The following TLN1 variants were observed in gnomAD, a reference collection of about 807,000 sequenced individuals.
TLN1 encodes the protein talin-1.
TLN1 carries 56 observed loss-of-function variants against 292.3 expected under a neutral mutation model. The ratio of observed to expected loss-of-function variants is 0.19; its 90% CI spans 0.15 to 0.24. The LOEUF is 0.24. TLN1 is among the 10% of genes least tolerant of loss of function. TLN1 has a pLI of 1.00. For missense variants in TLN1, 2,433 were observed against 3,248.2 expected, an observed-to-expected ratio of 0.75 and a Z score of 6.10; for synonymous variants, 1,119 against 1,253.7, an observed-to-expected ratio of 0.89 and a Z score of 2.27.
In TLN1 at chr9:35,699,084, A is replaced by T; in HGVS notation, c.6947T>A (p.Ile2316Asn). 6.2e-7 allele frequency: 1 copy of T among 1,613,986 alleles called. No individual in the cohort carries two copies. The highest frequency in any genetic ancestry group is 8.5e-7 in the Non-Finnish European group (1 of 1,179,916). The change falls in exon 52 of 57, where the codon ATT becomes AAT. Residue 2316 changes from isoleucine to asparagine, a missense_variant. Physicochemically the swap from Ile to Asn is moderately radical, Grantham distance 149 (BLOSUM62 -3). Coordinates refer to ENST00000314888, the MANE Select transcript of TLN1 (RefSeq NM_006289.4). This position sits in a 1 kb window ranked among gnomAD's most constrained non-coding sequence, Gnocchi z 4.0. ...ENELLGAAAA[I>N]EAAAKKLEQL... ...CTCTAGCTTTTTGGCTGCAGCCTCA[A>T]TGGCGGCTGCAGCTCCCAGGAGCTC...
intron 10 of TLN1, 147 bp from the exon 11 acceptor site, chr9:35,721,060 CTCTT>C (rs1249777891): frequency 1.7e-6 from 1 of 596,966 alleles, no homozygotes; most frequent in African/African-American, 1.8e-5. Context: ...CTTGAACCTC[CTCTT>C]TATTTTCTCC....
rs1209724023 is a variant in TLN1 at position 35,720,289 on chromosome 9, C to T, written c.1284-70G>A. On this transcript the variant is annotated intron_variant, in intron 12 of 56. Transcript: ENST00000314888. ...CTACCCGTCCCACCCGGTTACACTA[C>T]CTTTGCAGGTGTGTGAGGTCTCACT... 1.4e-5 allele frequency: 22 copies of T among 1,543,894 alleles called. No homozygotes were observed. In the African/African-American group the frequency reaches 1.8e-4, roughly 13 times the overall value.
intron 7 of TLN1, 85 bp downstream of exon 7, chr9:35,723,867 A>G (rs1182275988): frequency 6.4e-7 from 1 of 1,568,418 alleles, no homozygotes; most frequent in African/African-American, 1.4e-5. Flanking sequence ...AGTGGGGGGC[A>G]GGCTTGGAAT....
At chr9:35,723,086 G>T in intron 7 of TLN1, 165 bp from the exon 8 acceptor site, 1 of 556,384 alleles carries the variant, frequency 1.8e-6, no homozygotes. Flanking sequence ...TGAAATAGAG[G>T]TGACTTCGTG....
chr9:35,708,943 T>A (rs1162525707), intron 33 of TLN1, among the ~76,000 whole-genome samples: 7 of 152,234 alleles, frequency 4.6e-5, no homozygotes, highest in Non-Finnish European at 8.8e-5. Flanking sequence ...AGCACCTCCA[T>A]GCGTCAGATA....
At chr9:35,723,826 G>T in intron 7 of TLN1, 126 bp downstream of exon 7, 1 of 1,428,820 alleles carries the variant, frequency 7.0e-7, no homozygotes, top group Non-Finnish European at 9.6e-7. Context: ...TAGCTATGTT[G>T]GTCAAACCCT....
rs1442005264 is a variant in TLN1 at position 35,698,171 on chromosome 9, G to C, written c.7373C>G (p.Ala2458Gly). The C allele has an allele frequency of 6.2e-7, 1 of 1,613,824 alleles. No homozygotes were observed. The highest frequency in any genetic ancestry group is 2.2e-5 in the East Asian group (1 of 44,904). The change falls in exon 56 of 57, where the codon GCT becomes GGT. Residue 2458 changes from alanine to glycine, a missense_variant and splice_region_variant. By Grantham distance (60) the Ala-to-Gly change is moderately conservative. Around this residue, in one of 7 missense-constraint regions of TLN1, gnomAD observed 141 missense variants for 248.5 expected, o/e 0.57. Coordinates refer to ENST00000314888, the MANE Select transcript of TLN1 (RefSeq NM_006289.4). This position sits in a 1 kb window ranked among gnomAD's most constrained non-coding sequence, Gnocchi z 5.3. ...QDSEAMKRLQ[A>G]AGNAVKRASD... ...GGCTCGCTTCACTGCGTTGCCAGCAGCCTGGGCAGAGAGAAAGTGGCCTAG... is the reference window on the plus strand; with the variant it reads ...GGCTCGCTTCACTGCGTTGCCAGCACCCTGGGCAGAGAGAAAGTGGCCTAG...
rs776552609 is a variant in TLN1, at chr9:35,716,544, C to A, written c.2471G>T (p.Arg824Leu). 3 of 1,613,814 alleles carry A rather than the reference C, an allele frequency of 1.9e-6. No homozygotes were observed. The highest frequency in any genetic ancestry group is 2.5e-6 in the Non-Finnish European group (3 of 1,179,934). ...SSMGDAGEMV[R>L]QARILAQATS... is the part of the protein sequence containing the mutation. Reference sequence around the variant, plus strand: ...GGCTTGGGCCAGGATGCGGGCCTGTCGCACCATCTCCCCTGAGAGCATAGG... The same window carrying A: ...GGCTTGGGCCAGGATGCGGGCCTGTAGCACCATCTCCCCTGAGAGCATAGG... Residue 824 changes from arginine (R) to leucine (L), a missense_variant, in exon 20 of 57, where the codon CGA (arginine) becomes CTA (leucine). Physicochemically the swap from Arg to Leu is moderately radical, Grantham distance 102. This residue lies in a region of TLN1 where 617 missense variants were observed against 770.6 expected (regional missense o/e 0.80). Transcript: ENST00000314888.
chr9:35,709,151 C>T (rs1272319836), intron 33 of TLN1, among the ~76,000 whole-genome samples: 8 of 152,030 alleles, frequency 5.3e-5, no homozygotes, highest in African/African-American at 1.4e-4. Context: ...AAAAATCAGA[C>T]GGGTGTGGTG....
intron 7 of TLN1, chr9:35,723,448 G>C (rs10972565): frequency 0.036 from 6,726 of 186,546 alleles, 165 homozygotes; most frequent in Non-Finnish European, 0.053. Flanking sequence ...GTAGGGAAAG[G>C]GACTGAGGAA....
At chr9:35,720,320 C>A in intron 12 of TLN1, 101 bp from the exon 13 acceptor site, 1 of 1,537,852 alleles carries the variant, frequency 6.5e-7, no homozygotes, top group South Asian at 1.2e-5. Flanking sequence ...TCACTACAGC[C>A]TGCAACTAGT....
chr9:35,702,292 A>G (rs561478651), intron 48 of TLN1, among the ~76,000 whole-genome samples: 95 of 152,284 alleles, frequency 6.2e-4, no homozygotes, highest in African/African-American at 2.1e-3. Context: ...AAATAACTCA[A>G]CTCAGAACTG....
intron 33 of TLN1, among the ~76,000 whole-genome samples, chr9:35,708,822 A>G (rs2131889069): frequency 6.6e-6 from 1 of 152,378 alleles, no homozygotes; most frequent in Admixed American, 6.5e-5. Flanking sequence ...TGTAAGTAGC[A>G]GTAAAACGTT....
chr9:35,709,801 G>A (rs1825628967), intron 33 of TLN1, among the ~76,000 whole-genome samples: 2 of 144,998 alleles, frequency 1.4e-5, no homozygotes, highest in South Asian at 2.2e-4. Context: ...GCAGGAGAAT[G>A]GCGTGAACCC....
chr9:35,710,684 C>A lies in TLN1; in HGVS notation c.4204-1G>T. ...TGCCAGTCATGGCCTCGCCCAGCAC[C>A]TGAGGAACAGAGGACATCAGGGGAG... On this transcript the variant is annotated splice_acceptor_variant, in intron 32 of 56. Coordinates refer to ENST00000314888, the MANE Select transcript of TLN1 (RefSeq NM_006289.4). LOFTEE classifies it high-confidence loss of function. The A allele has an allele frequency of 6.2e-7, 1 of 1,614,168 alleles. No individual in the cohort carries two copies. Among genetic ancestry groups the A allele is most frequent in the Non-Finnish European group, 8.5e-7 (1 of 1,180,016 alleles).
rs1189898521 is a variant in TLN1, at chr9:35,719,206, G to C, written c.1764C>G (p.Ser588=). The stretch of plus-strand genomic sequence containing the variant: ...AGGCAGCCAGCAGCTTCACCCCACG[G>C]GACATCTCCGTCAGGTTGGAGGAGA... ...TTISSNLTEM[S]RGVKLLAALL... The change falls in exon 16 of 57, where the codon TCC becomes TCG. Residue 588 remains serine (S), a synonymous_variant. Coordinates refer to ENST00000314888, the MANE Select transcript of TLN1 (RefSeq NM_006289.4). This position sits in a 1 kb window ranked among gnomAD's most constrained non-coding sequence, Gnocchi z 4.6. The C allele has an allele frequency of 6.2e-7, 1 of 1,614,190 alleles. No homozygotes were observed. Among genetic ancestry groups the C allele is most frequent in the South Asian group, 1.1e-5 (1 of 91,082 alleles).
rs1156701248 is a variant in TLN1 at position 35,710,596 on chromosome 9, T to C, written c.4291A>G (p.Lys1431Glu). The change falls in exon 33 of 57, where the codon AAG becomes GAG. Residue 1431 changes from lysine to glutamate, a missense_variant. Physicochemically the swap from Lys to Glu is moderately conservative, Grantham distance 56 (BLOSUM62 1). Coordinates refer to ENST00000314888, the MANE Select transcript of TLN1 (RefSeq NM_006289.4). ...EFGDAISTAS[K>E]ALCGFTEAAA... is the part of the protein sequence containing the mutation. ...GCCTCGGTGAAGCCACAAAGTGCCT[T>C]TGAGGCTGTGGAAATGGCATCTCCA... is the stretch of plus-strand genomic sequence containing the variant. The C allele has an allele frequency of 1.2e-6, 2 of 1,613,914 alleles. No homozygotes were observed. Among genetic ancestry groups the C allele is most frequent in the Non-Finnish European group, 1.7e-6 (2 of 1,180,048 alleles).
At chr9:35,726,885 C>T (rs1825986921) in intron 1 of TLN1, among the ~76,000 whole-genome samples, 2 of 152,230 alleles carry the variant, frequency 1.3e-5, no homozygotes, top group African/African-American at 4.8e-5. Flanking sequence ...TCAGTCCTTG[C>T]TTGTTCCAAG....
chr9:35,700,113 C>A (rs1202738449), intron 49 of TLN1, 32 bp from the exon 50 acceptor site: 2 of 1,596,694 alleles, frequency 1.3e-6, no homozygotes, highest in Admixed American at 3.4e-5. Context: ...AGCTTTAGGC[C>A]CCGCAGATCC....
Sources: allele counts gnomAD v4.1 joint callset (sites outside exome capture counted in the v4.1 genomes callset), GRCh38; gene constraint gnomAD v4.1.1; regional missense constraint gnomAD v4.1.1; non-coding constraint Gnocchi (gnomAD v3.1); transcripts MANE v1.5; gene names NCBI Gene and HGNC (gene_info 2026-07-23, HGNC 2026-07-21).